The following PIP5K1B variants were observed in gnomAD, a reference collection of about 807,000 sequenced individuals.
PIP5K1B encodes phosphatidylinositol-4-phosphate 5-kinase type 1 beta.
A neutral mutation model predicts 67.0 loss-of-function variants in PIP5K1B; 42 were observed. The ratio of observed to expected loss-of-function variants is 0.63; its 90% CI spans 0.49 to 0.81. The LOEUF (loss-of-function observed/expected upper bound fraction) is 0.81, where lower values mean the gene tolerates loss of function less well. Among genes scored for constraint, PIP5K1B ranks in the 30% least tolerant of loss-of-function variants. The probability of loss-of-function intolerance (pLI) is 0.00; values close to 1 mark genes in which losing one functional copy is unlikely to be tolerated. For synonymous variants in PIP5K1B, 214 were observed against 231.4 expected, an observed-to-expected ratio of 0.92 and a Z score of 0.68; for missense variants, 459 against 646.3, an observed-to-expected ratio of 0.71 and a Z score of 3.14.
chr9:68,827,160 G>A (rs1458772675), intron 4 of PIP5K1B, among the ~76,000 whole-genome samples: 1 of 152,192 alleles, frequency 6.6e-6, no homozygotes, highest in African/African-American at 2.4e-5. Flanking sequence ...AGCATGATTT[G>A]TTGGCATTAC....
rs1160074614 is a variant in PIP5K1B at position 68,894,681 on chromosome 9, T to C, written c.771+43T>C. On this transcript the variant is annotated intron_variant, in intron 8 of 15. Coordinates refer to ENST00000265382, the MANE Select transcript of PIP5K1B (RefSeq NM_003558.4). ...TTGTGATTTCCTTTGAACTCTGTGC[T>C]CATGTAAACTGTGGCTGCCACTTAT... 8.4e-6 allele frequency: 13 copies of C among 1,556,338 alleles called. No individual in the cohort carries two copies. The South Asian group carries it at 1.5e-4, about 18-fold the overall frequency.
chr9:68,941,842 C>G (rs949427667), intron 14 of PIP5K1B, among the ~76,000 whole-genome samples: 2 of 152,112 alleles, frequency 1.3e-5, no homozygotes, highest in Non-Finnish European at 2.9e-5. Flanking sequence ...GTTTGCTAGT[C>G]GGACCTGCTA....
intron 6 of PIP5K1B, among the ~76,000 whole-genome samples, chr9:68,878,917 G>C (rs1372969433): frequency 2.6e-5 from 4 of 152,116 alleles, no homozygotes. Flanking sequence ...GGTTGGAAGG[G>C]GCACTGTAGA....
At chr9:68,951,775 C>T (rs11144474) in intron 14 of PIP5K1B, among the ~76,000 whole-genome samples, 19,691 of 152,174 alleles carry the variant, frequency 0.13, 1,592 homozygotes, top group East Asian at 0.4. Context: ...AACAAATAGT[C>T]GTGTAACATG....
chr9:68,770,632 C>A (rs1830630822), intron 2 of PIP5K1B, among the ~76,000 whole-genome samples: 1 of 152,154 alleles, frequency 6.6e-6, no homozygotes, highest in Non-Finnish European at 1.5e-5. Flanking sequence ...GGATCAGTGG[C>A]AGCATTAGAT....
intron 2 of PIP5K1B, among the ~76,000 whole-genome samples, chr9:68,786,481 A>T (rs1831621379): frequency 9.5e-6 from 1 of 105,132 alleles, no homozygotes; most frequent in Admixed American, 9.4e-5. Flanking sequence ...ATTATTATAA[A>T]CTTTTTTTTA....
chr9:68,726,236 C>T (rs1038828361), intron 1 of PIP5K1B, among the ~76,000 whole-genome samples: 13 of 152,094 alleles, frequency 8.5e-5, no homozygotes, highest in East Asian at 3.9e-4. Context: ...TAATCTCATG[C>T]GCCCCATAAA....
chr9:68,800,825 G>C (rs946502691), intron 2 of PIP5K1B, among the ~76,000 whole-genome samples: 1 of 152,146 alleles, frequency 6.6e-6, no homozygotes, highest in Non-Finnish European at 1.5e-5. Flanking sequence ...GCTTCCCAAG[G>C]TCATATTTGG....
chr9:68,749,280 C>T (rs1418291016), intron 2 of PIP5K1B, among the ~76,000 whole-genome samples: 1 of 152,094 alleles, frequency 6.6e-6, no homozygotes, highest in Non-Finnish European at 1.5e-5. Flanking sequence ...GAGGGACATG[C>T]AGGGGAAGGT....
rs751454644 is a variant in PIP5K1B, at chr9:68,876,678, G to A, written c.202G>A (p.Glu68Lys). The change falls in exon 6 of 16, where the codon GAA (glutamate) becomes AAA (lysine). Residue 68 changes from glutamate to lysine, a missense_variant and splice_region_variant. Transcript: ENST00000265382. ...CTCTTTTTAATATTTTGACTTCAGC[G>A]AAGGGAGCAATCTGACCCCAGCACA... ...YVVESVFLPS[E>K]GSNLTPAHHY... 2.9e-5 allele frequency: 45 copies of A among 1,539,146 alleles called. No homozygotes were observed. The highest frequency in any genetic ancestry group is 3.6e-5 in the Non-Finnish European group (40 of 1,112,148).
At chr9:68,733,560 T>G (rs1828559205) in intron 1 of PIP5K1B, among the ~76,000 whole-genome samples, 1 of 151,928 alleles carries the variant, frequency 6.6e-6, no homozygotes, top group African/African-American at 2.4e-5. Context: ...CTCAGTCAGT[T>G]TGAGGTCACA....
chr9:68,808,224 G>GA (rs1347487949), intron 2 of PIP5K1B, among the ~76,000 whole-genome samples: 2 of 152,044 alleles, frequency 1.3e-5, no homozygotes, highest in African/African-American at 4.8e-5. Flanking sequence ...AAAAGGGGAA[G>GA]AAAAAATGTA....
chr9:68,979,174 G>A (rs1448391089), intron 14 of PIP5K1B, among the ~76,000 whole-genome samples: 1 of 152,146 alleles, frequency 6.6e-6, no homozygotes, highest in Admixed American at 6.5e-5. Flanking sequence ...GCAGTGATTG[G>A]ATGGCTCAAG....
intron 15 of PIP5K1B, among the ~76,000 whole-genome samples, chr9:68,994,443 G>A (rs1456056578): frequency 2.0e-5 from 3 of 152,086 alleles, no homozygotes; most frequent in African/African-American, 7.2e-5. Context: ...AATAAATTTT[G>A]TGAGAAAGGT....
intron 2 of PIP5K1B, among the ~76,000 whole-genome samples, chr9:68,801,709 C>T (rs7856594): frequency 0.9 from 136,646 of 152,232 alleles, 62,004 homozygotes; most frequent in Non-Finnish European, 0.97. Flanking sequence ...TGAGTATGGT[C>T]TGAAGCCAAA....
At chr9:68,861,872 G>T (rs1823093256) in intron 4 of PIP5K1B, among the ~76,000 whole-genome samples, 1 of 151,272 alleles carries the variant, frequency 6.6e-6, no homozygotes. Context: ...CATTAAAATA[G>T]CAGGGGGTTT....
intron 1 of PIP5K1B, among the ~76,000 whole-genome samples, chr9:68,730,621 T>TC (rs1828377176): frequency 6.6e-6 from 1 of 152,222 alleles, no homozygotes; most frequent in African/African-American, 2.4e-5. Context: ...TTGAGTAATG[T>TC]CATATACAAG....
At chr9:68,765,906 T>C (rs985134063) in intron 2 of PIP5K1B, among the ~76,000 whole-genome samples, 1 of 152,200 alleles carries the variant, frequency 6.6e-6, no homozygotes, top group African/African-American at 2.4e-5. Flanking sequence ...TCCTCTGATC[T>C]AGCAGTTCCA....
intron 1 of PIP5K1B, among the ~76,000 whole-genome samples, chr9:68,718,712 G>A (rs1331887760): frequency 6.6e-6 from 1 of 152,182 alleles, no homozygotes; most frequent in Non-Finnish European, 1.5e-5. Flanking sequence ...AGAACAGAGT[G>A]TGTCTTTTAT....
Sources: allele counts gnomAD v4.1 joint callset (sites outside exome capture counted in the v4.1 genomes callset), GRCh38; gene constraint gnomAD v4.1.1; transcripts MANE v1.5; gene names NCBI Gene and HGNC (gene_info 2026-07-23, HGNC 2026-07-21).